Variants in DNAAF5 observed in about 807,000 individuals in gnomAD.
DNAAF5 encodes the protein dynein axonemal assembly factor 5, also known as HEAT repeat containing 2.
A neutral mutation model predicts 75.8 loss-of-function variants in DNAAF5; 64 were observed. That is an observed-to-expected ratio of 0.84 (90% confidence interval 0.69 to 1.04). The LOEUF (loss-of-function observed/expected upper bound fraction) is 1.04, where lower values mean the gene tolerates loss of function less well. Among genes scored for constraint, DNAAF5 ranks in the 50% least tolerant of loss-of-function variants. DNAAF5 has a pLI of 0.00. For synonymous variants in DNAAF5, 657 were observed against 557.2 expected (o/e 1.18, Z -2.52); for missense variants, 1,269 against 1,178.5 (o/e 1.08, Z -1.12).
chr7:778,274 G>T (rs937339235), intron 11 of DNAAF5: 4 of 152,186 alleles, frequency 2.6e-5, no homozygotes, highest in Admixed American at 6.5e-5. Context: ...TGGGCATCTG[G>T]GCCACGGCCC....
rs1782435195 is a variant in DNAAF5, at chr7:754,876, C to T, written c.1257+55C>T. On this transcript the variant is annotated intron_variant, in intron 5 of 12. Coordinates refer to ENST00000297440, the MANE Select transcript of DNAAF5 (RefSeq NM_017802.4). The surrounding 1 kb of genome is among the most constrained non-coding windows in gnomAD (Gnocchi z 4.8). Reference sequence around the variant, plus strand: ...GGAGCTGTAACTCGAGCTTAAGATCCCGCCTCTGTGGTGTGCGGGGCCCGA... The same window carrying T: ...GGAGCTGTAACTCGAGCTTAAGATCTCGCCTCTGTGGTGTGCGGGGCCCGA... The T allele has an allele frequency of 7.3e-7, 1 of 1,361,840 alleles. No individual in the cohort carries two copies. The highest frequency in any genetic ancestry group is 1.0e-6 in the Non-Finnish European group (1 of 987,732). 84.4% of individuals were successfully genotyped at this position (1,361,840 alleles called of 1,614,324 possible).
At chr7:732,689 G>A (rs987408418) in intron 2 of DNAAF5, 1 of 451,424 alleles carries the variant, frequency 2.2e-6, no homozygotes, top group African/African-American at 2.0e-5. Context: ...CGCGTTATTA[G>A]ATTTTTTTCT....
chr7:775,837 A>T (rs902423595), intron 11 of DNAAF5, among the ~76,000 whole-genome samples: 1 of 151,288 alleles, frequency 6.6e-6, no homozygotes, highest in Admixed American at 6.6e-5. Context: ...TGGATGTTAC[A>T]TTTAGCGTTA....
At chr7:762,200 A>G (rs556863927) in intron 7 of DNAAF5, among the ~76,000 whole-genome samples, 3 of 152,282 alleles carry the variant, frequency 2.0e-5, no homozygotes, top group Admixed American at 6.5e-5. Flanking sequence ...AATAGTGCAC[A>G]TGTCGCTGGG....
intron 7 of DNAAF5, 147 bp from the exon 8 acceptor site, chr7:763,659 C>A (rs1782733938): frequency 1.1e-6 from 1 of 875,358 alleles, no homozygotes; most frequent in Non-Finnish European, 1.8e-6. Context: ...CTGGGCGGGG[C>A]TCCCTGTGGC....
At chr7:742,336 G>A (rs1042773135) in intron 4 of DNAAF5, among the ~76,000 whole-genome samples, 5 of 150,958 alleles carry the variant, frequency 3.3e-5, no homozygotes, top group Admixed American at 6.6e-5. Flanking sequence ...CAAATCAGAC[G>A]CCCAGCTCAA....
chr7:777,424 A>G (rs577499243), intron 11 of DNAAF5, among the ~76,000 whole-genome samples: 1 of 152,288 alleles, frequency 6.6e-6, no homozygotes, highest in East Asian at 1.9e-4. Context: ...AACAACATCC[A>G]CTAAAAAACA....
chr7:754,641 G>A lies in DNAAF5; in HGVS notation c.1077G>A (p.Lys359=). ...CRELVFRNLS[K]ILPALCHDIT... is the part of the protein sequence containing the mutation. ...AGCTCGTCTTCAGGAACCTCTCCAA[G>A]ATCCTCCCTGCCCTGTGCCACGACA... is the stretch of plus-strand genomic sequence containing the variant. The change falls in exon 5 of 13, where the codon AAG becomes AAA. Residue 359 remains lysine, a synonymous_variant. Transcript: ENST00000297440. This position sits in a 1 kb window ranked among gnomAD's most constrained non-coding sequence, Gnocchi z 4.8. 6.2e-7 allele frequency: 1 copy of A among 1,614,144 alleles called. No individual in the cohort carries two copies. The highest frequency in any genetic ancestry group is 8.5e-7 in the Non-Finnish European group (1 of 1,180,016).
intron 8 of DNAAF5, among the ~76,000 whole-genome samples, chr7:767,702 T>C (rs1778364066): frequency 6.6e-6 from 1 of 151,646 alleles, no homozygotes. Context: ...GGGAGACACG[T>C]GATCAGGGCG....
intron 7 of DNAAF5, among the ~76,000 whole-genome samples, chr7:762,315 G>A (rs907735564): frequency 2.0e-5 from 3 of 151,990 alleles, no homozygotes; most frequent in Admixed American, 2.0e-4. Flanking sequence ...GTGAAACCCC[G>A]TCTCTACTAA....
Position 763,720 on chromosome 7 carries a change from G to A in DNAAF5, c.1615-86G>A, listed in dbSNP as rs564202653. The A allele has an allele frequency of 1.6e-5, 23 of 1,451,424 alleles. No homozygotes were observed. In the African/African-American group the frequency reaches 2.1e-4, roughly 13 times the overall value. The allele number at this position is 1,451,424 out of a possible 1,614,324, so 89.9% of individuals were successfully genotyped here. A position where few individuals can be genotyped will look rare whatever the true frequency, so the allele number is the denominator to read the frequency against. On this transcript the variant is annotated intron_variant, in intron 7 of 12. Coordinates refer to ENST00000297440, the MANE Select transcript of DNAAF5 (RefSeq NM_017802.4). ...GGCCCGGCCTGTGTGGTTCTTACGC[G>A]TGAGGGGGATAGTGAGTCCCAGCAG...
At chr7:782,715 A>C (rs1307760962) in intron 12 of DNAAF5, among the ~76,000 whole-genome samples, 1 of 71,758 alleles carries the variant, frequency 1.4e-5, no homozygotes, top group Admixed American at 1.3e-4. Flanking sequence ...CAGAAACTCG[A>C]TCTTCCTGGC....
intron 7 of DNAAF5, among the ~76,000 whole-genome samples, chr7:762,480 A>G: frequency 6.8e-6 from 1 of 146,034 alleles, no homozygotes; most frequent in Admixed American, 6.8e-5. Flanking sequence ...CAACAGAGCG[A>G]GACTCCGTCC....
chr7:741,240 C>A, intron 3 of DNAAF5, 107 bp from the exon 4 acceptor site: 1 of 831,302 alleles, frequency 1.2e-6, no homozygotes, highest in Non-Finnish European at 1.9e-6. Context: ...GGGAGCTTCC[C>A]GCTCTCACGC....
intron 8 of DNAAF5, chr7:768,850 T>A: frequency 2.6e-6 from 1 of 381,524 alleles, no homozygotes; most frequent in Non-Finnish European, 4.8e-6. Context: ...AACACTGTCT[T>A]GTTTCCAGTT....
intron 6 of DNAAF5, 64 bp from the exon 7 acceptor site, chr7:761,689 G>A: frequency 6.6e-7 from 1 of 1,509,066 alleles, no homozygotes; most frequent in South Asian, 1.3e-5. Flanking sequence ...AGTTCAAGAT[G>A]GGATTCGGGT....
At chr7:783,757 C>T (rs1255416809) in intron 12 of DNAAF5, among the ~76,000 whole-genome samples, 1 of 151,972 alleles carries the variant, frequency 6.6e-6, no homozygotes, top group Non-Finnish European at 1.5e-5. Flanking sequence ...GCCCTGCCTG[C>T]GCCCTCCCAG....
intron 11 of DNAAF5, among the ~76,000 whole-genome samples, chr7:775,574 A>G (rs1778734634): frequency 6.6e-6 from 1 of 152,174 alleles, no homozygotes; most frequent in Non-Finnish European, 1.5e-5. Flanking sequence ...GCATTTATAC[A>G]TACAAATACA....
intron 11 of DNAAF5, among the ~76,000 whole-genome samples, chr7:777,581 C>T (rs1388613371): frequency 7.3e-6 from 1 of 136,806 alleles, no homozygotes; most frequent in Non-Finnish European, 1.6e-5. Context: ...ATGGGGTGGG[C>T]GGGAAGCGGC....
Sources: gnomAD v4.1 joint callset for allele counts (sites outside exome capture counted in the v4.1 genomes callset) on GRCh38, gnomAD v4.1.1 for gene constraint, Gnocchi (gnomAD v3.1) non-coding constraint, MANE v1.5 for transcripts, NCBI Gene and HGNC (gene_info 2026-07-23, HGNC 2026-07-21) for gene names.